HDAC4: variants seen among roughly 807,000 people sequenced by gnomAD.
The protein encoded by HDAC4 is histone deacetylase A.
Under a neutral mutation model 135.1 loss-of-function variants are expected in HDAC4, and 16 were observed. That is an observed-to-expected ratio of 0.12 (90% CI 0.08 to 0.18). HDAC4 has a LOEUF of 0.18. HDAC4 is among the 10% of genes least tolerant of loss of function. The probability of loss-of-function intolerance (pLI) is 1.00; values close to 1 mark genes in which losing one functional copy is unlikely to be tolerated. For missense variants in HDAC4, 1,143 were observed against 1,511.8 expected, an observed-to-expected ratio of 0.76 and a Z score of 4.05; for synonymous variants, 685 against 653.4, an observed-to-expected ratio of 1.05 and a Z score of -0.74.
chr2:239,084,710 C>T lies in HDAC4; in HGVS notation c.2445-468G>A, dbSNP rs114342284. Among the ~76,000 whole-genome samples, 379 of 148,886 alleles carry T rather than the reference C, an allele frequency of 2.5e-3. 3 individuals carry two copies. Among genetic ancestry groups the T allele is most frequent in the African/African-American group, 8.9e-3 (358 of 40,276 alleles). ...ACACAGACACACACACCATGCAACA[C>T]GCCCTACACACATACATGCCCCACA... On this transcript the variant is annotated intron_variant, in intron 19 of 26. Transcript: ENST00000543185.
chr2:239,298,386 G>A, intron 2 of HDAC4: 2 of 1,182,492 alleles, frequency 1.7e-6, no homozygotes, highest in Non-Finnish European at 2.1e-6. Flanking sequence ...AATCGCCAGA[G>A]CTCTTGCACC....
intron 1 of HDAC4, among the ~76,000 whole-genome samples, chr2:239,378,089 C>T (rs1575778060): frequency 6.6e-6 from 1 of 152,142 alleles, no homozygotes; most frequent in South Asian, 2.1e-4. Context: ...AGCCAACATC[C>T]GGGGAATGCC....
intron 1 of HDAC4, among the ~76,000 whole-genome samples, chr2:239,391,482 C>T (rs1409221817): frequency 1.3e-5 from 2 of 152,208 alleles, no homozygotes; most frequent in Non-Finnish European, 2.9e-5. Context: ...CCCTACTCCT[C>T]ATTCCTCCCA....
intron 1 of HDAC4, among the ~76,000 whole-genome samples, chr2:239,373,249 T>C (rs1344005288): frequency 1.3e-5 from 2 of 152,174 alleles, no homozygotes; most frequent in African/African-American, 4.8e-5. Context: ...TCCTCCCTTG[T>C]AATGGACACC....
rs1218873843 is a variant in HDAC4 at position 239,400,382 on chromosome 2, C to T, written c.-220+596G>A. The T allele has an allele frequency of 6.8e-6, 1 of 147,418 alleles. No homozygotes were observed. The highest frequency in any genetic ancestry group is 2.4e-5 in the African/African-American group (1 of 40,912). 9.1% of individuals were successfully genotyped at this position (147,418 alleles called of 1,614,324 possible). A position where few individuals can be genotyped will look rare whatever the true frequency, so the allele number is the denominator to read the frequency against. ...CCCGGCGGCCCGGAGCCCACCTGCT[C>T]GGGGGGCGCGGGCCCCGCACCGGGA... is the stretch of plus-strand genomic sequence containing the variant. On this transcript the variant is annotated intron_variant, in intron 1 of 26. Coordinates refer to ENST00000543185, the MANE Select transcript of HDAC4 (RefSeq NM_001378414.1). The surrounding 1 kb of genome is among the most constrained non-coding windows in gnomAD (Gnocchi z 4.7).
chr2:239,247,237 C>T (rs780499934), intron 2 of HDAC4, among the ~76,000 whole-genome samples: 2 of 152,190 alleles, frequency 1.3e-5, no homozygotes, highest in Non-Finnish European at 2.9e-5. Flanking sequence ...TCTGTTTCCC[C>T]GCAGGCATCC....
intron 2 of HDAC4, among the ~76,000 whole-genome samples, chr2:239,248,830 T>C (rs2048616491): frequency 1.3e-5 from 2 of 152,304 alleles, no homozygotes; most frequent in African/African-American, 4.8e-5. Context: ...CTGTTCTGCC[T>C]CTCCACACGG....
chr2:239,272,234 T>C (rs1012171849), intron 2 of HDAC4, among the ~76,000 whole-genome samples: 1 of 152,166 alleles, frequency 6.6e-6, no homozygotes, highest in Non-Finnish European at 1.5e-5. Flanking sequence ...GGGGCCCACA[T>C]CATCGTTCCA....
At position 239,308,691 on chromosome 2, in the gene HDAC4, C is replaced by A. The variant is rs2052728878; in HGVS notation, c.22+43987G>T. ...CTCCGGGTGTCCCCCCCTTCCAGCC[C>A]AGTGCAGGGGTTCAGCCGCTGCAGA... On this transcript the variant is annotated intron_variant, in intron 2 of 26. Coordinates refer to ENST00000543185, the MANE Select transcript of HDAC4 (RefSeq NM_001378414.1). This position sits in a 1 kb window ranked among gnomAD's most constrained non-coding sequence, Gnocchi z 4.2. Among the ~76,000 whole-genome samples, 2 of 152,168 alleles carry A rather than the reference C, an allele frequency of 1.3e-5. No homozygotes were observed.
At chr2:239,213,607 G>A (rs1005670597) in intron 3 of HDAC4, among the ~76,000 whole-genome samples, 7 of 152,314 alleles carry the variant, frequency 4.6e-5, no homozygotes, top group African/African-American at 7.2e-5. Context: ...GAGAGTGGCC[G>A]GAGCCACTAC....
rs538860988 is a variant in HDAC4, at chr2:239,166,204, C to G, written c.491-2281G>C. ...GGAACTTTAATGTCTGGTCAAGGGTCAGTCAGCAATGAGACGCCTGGAAAC... is the reference window on the plus strand; with the variant it reads ...GGAACTTTAATGTCTGGTCAAGGGTGAGTCAGCAATGAGACGCCTGGAAAC... On this transcript the variant is annotated intron_variant, in intron 5 of 26. Transcript: ENST00000543185. 2.0e-5 allele frequency among the ~76,000 whole-genome samples: 3 copies of G among 152,266 alleles called. No individual in the cohort carries two copies. In the East Asian group the frequency reaches 5.8e-4, roughly 29 times the overall value.
chr2:239,159,760 A>T (rs1439918670), intron 6 of HDAC4, among the ~76,000 whole-genome samples: 3 of 152,240 alleles, frequency 2.0e-5, no homozygotes, highest in Non-Finnish European at 4.4e-5. Flanking sequence ...CAGAACCTAC[A>T]GAGCTGCTCC....
intron 12 of HDAC4, among the ~76,000 whole-genome samples, chr2:239,118,477 T>C (rs1445961738): frequency 6.6e-6 from 1 of 151,676 alleles, no homozygotes; most frequent in African/African-American, 2.4e-5. Flanking sequence ...GGGAGGAGAG[T>C]GCAGCGGTGG....
intron 1 of HDAC4, among the ~76,000 whole-genome samples, chr2:239,398,304 C>T (rs1047403668): frequency 1.3e-5 from 2 of 152,170 alleles, no homozygotes; most frequent in Admixed American, 6.5e-5. Flanking sequence ...TCTTCTGCTC[C>T]GGCAATTAAG....
At chr2:239,185,634 A>G (rs11687909) in intron 4 of HDAC4, among the ~76,000 whole-genome samples, 43,631 of 151,982 alleles carry the variant, frequency 0.29, 6,674 homozygotes, top group East Asian at 0.47. Flanking sequence ...ACCAGCCTGG[A>G]GCATGCTCTA....
At chr2:239,263,273 C>CTG (rs2049490574) in intron 2 of HDAC4, among the ~76,000 whole-genome samples, 4 of 101,924 alleles carry the variant, frequency 3.9e-5, no homozygotes, top group Admixed American at 1.1e-4. Flanking sequence ...GACCCCCGCC[C>CTG]AGCCCAGCCC....
In HDAC4 at chr2:239,352,024, G is replaced by T. The variant is rs1234439865; in HGVS notation, c.22+654C>A. Among the ~76,000 whole-genome samples, 1 of 152,182 alleles carries T rather than the reference G, an allele frequency of 6.6e-6. No homozygotes were observed. The highest frequency in any genetic ancestry group is 6.5e-5 in the Admixed American group (1 of 15,272). Reference sequence around the variant, plus strand: ...GTGACTTTCCAAGGACAGAAAGTGTGAAGTCGTAAATGGATGGGCCCATGA... The same window carrying T: ...GTGACTTTCCAAGGACAGAAAGTGTTAAGTCGTAAATGGATGGGCCCATGA... On this transcript the variant is annotated intron_variant, in intron 2 of 26. Coordinates refer to ENST00000543185, the MANE Select transcript of HDAC4 (RefSeq NM_001378414.1). The surrounding 1 kb of genome is among the most constrained non-coding windows in gnomAD (Gnocchi z 4.4).
At position 239,139,801 on chromosome 2, in the gene HDAC4, G is replaced by A. The variant is rs773626507; in HGVS notation, c.866-5C>T. ...GGGCGCTGCTGCACGCGGAGTCTGC[G>A]GAGGCAGAAATACCCTGGTGAGTGT... is the stretch of plus-strand genomic sequence containing the variant. On this transcript the variant is annotated splice_polypyrimidine_tract_variant and splice_region_variant and intron_variant, in intron 8 of 26. Coordinates refer to ENST00000543185, the MANE Select transcript of HDAC4 (RefSeq NM_001378414.1). This position sits in a 1 kb window ranked among gnomAD's most constrained non-coding sequence, Gnocchi z 5.3. 18 of 1,610,650 alleles carry A rather than the reference G, an allele frequency of 1.1e-5. No individual in the cohort carries two copies. The highest frequency in any genetic ancestry group is 5.0e-5 in the Admixed American group (3 of 59,964).
At chr2:239,182,070 G>A (rs947922301) in intron 4 of HDAC4, among the ~76,000 whole-genome samples, 1 of 152,186 alleles carries the variant, frequency 6.6e-6, no homozygotes, top group African/African-American at 2.4e-5. Flanking sequence ...TACAGATTCA[G>A]GACTCTGCCC....
Sources: gnomAD v4.1 joint callset for allele counts (sites outside exome capture counted in the v4.1 genomes callset) on GRCh38, gnomAD v4.1.1 for gene constraint, Gnocchi (gnomAD v3.1) non-coding constraint, MANE v1.5 for transcripts, NCBI Gene and HGNC (gene_info 2026-07-23, HGNC 2026-07-21) for gene names.